CD4: variants seen among roughly 807,000 people sequenced by gnomAD.
CD4 encodes T-cell surface glycoprotein CD4.
CD4 carries 25 observed loss-of-function variants against 50.5 expected under a neutral mutation model. The observed-to-expected ratio is 0.49, with a 90% CI of 0.36 to 0.69. CD4 has a LOEUF of 0.69. CD4 is among the 30% of genes least tolerant of loss of function. The pLI is 0.00. For missense variants in CD4, 456 were observed against 548.5 expected (o/e 0.83, Z 1.68); for synonymous variants, 207 against 221.9 (o/e 0.93, Z 0.60).
intron 3 of CD4, among the ~76,000 whole-genome samples, chr12:6,805,682 T>C (rs552005879): frequency 6.6e-6 from 1 of 152,176 alleles, no homozygotes; most frequent in South Asian, 2.1e-4. Flanking sequence ...CATGGATTGA[T>C]GGATTGGAAG....
intron 3 of CD4, among the ~76,000 whole-genome samples, chr12:6,812,890 G>T (rs1942979685): frequency 7.1e-4 from 1 of 1,408 alleles, no homozygotes; most frequent in Non-Finnish European, 0.018. Context: ...AGTCTCAAGC[G>T]ATCTTGTGCC....
chr12:6,796,530 G>A (rs1171826788), intron 1 of CD4, among the ~76,000 whole-genome samples: 1 of 152,136 alleles, frequency 6.6e-6, no homozygotes, highest in Non-Finnish European at 1.5e-5. Flanking sequence ...GCCTTCCTTT[G>A]AGGTGCTATC....
At chr12:6,793,997 T>TCTAG in intron 1 of CD4, among the ~76,000 whole-genome samples, 1 of 151,456 alleles carries the variant, frequency 6.6e-6, no homozygotes, top group Admixed American at 6.6e-5. Flanking sequence ...TATCTATCTA[T>TCTAG]CTATCTATCA....
In CD4 at chr12:6,819,314, A is replaced by G. The variant is rs782406603; in HGVS notation, c.1362A>G (p.Thr454=). 1.2e-6 allele frequency: 2 copies of G among 1,614,032 alleles called. No individual in the cohort carries two copies. The highest frequency in any genetic ancestry group is 1.7e-6 in the Non-Finnish European group (2 of 1,180,006). The change falls in exon 10 of 10, where the codon ACA becomes ACG. Residue 454 remains threonine (T), a synonymous_variant. Coordinates refer to ENST00000011653, the MANE Select transcript of CD4 (RefSeq NM_000616.5). ...GTTCCTGCAGCCGGTTTCAGAAGAC[A>G]TGTAGCCCCATTTGAGGCACGAGGC... ...TCQCPHRFQK[T]CSPI
chr12:6,818,666 G>A lies in CD4; in HGVS notation c.1278+124G>A. On this transcript the variant is annotated intron_variant, in intron 8 of 9. Coordinates refer to ENST00000011653, the MANE Select transcript of CD4 (RefSeq NM_000616.5). This position sits in a 1 kb window ranked among gnomAD's most constrained non-coding sequence, Gnocchi z 5.0. ...CTGCCCACTCGTAAGTTCCCTTGCT[G>A]CCCTGTCCCAGATCCCACTCAAGGG... The A allele has an allele frequency of 7.6e-7, 1 of 1,308,536 alleles. No homozygotes were observed. Among genetic ancestry groups the A allele is most frequent in the Non-Finnish European group, 1.1e-6 (1 of 921,240 alleles). The allele number at this position is 1,308,536 out of a possible 1,614,324, so 81.1% of individuals were successfully genotyped here.
chr12:6,805,560 CCCGAAAA>C (rs1942722330), intron 3 of CD4, among the ~76,000 whole-genome samples: 1 of 38,168 alleles, frequency 2.6e-5, no homozygotes, highest in Admixed American at 3.2e-4. Context: ...GAGTCTGTCT[CCCGAAAA>C]AAAAAAAAAG....
intron 5 of CD4, 65 bp downstream of exon 5, chr12:6,815,057 C>T: frequency 6.4e-6 from 7 of 1,085,662 alleles, no homozygotes; most frequent in Non-Finnish European, 9.6e-6. Context: ...CCTCCCTCTG[C>T]TCTGACTGCC....
chr12:6,804,567 A>G (rs1414198154), intron 3 of CD4, among the ~76,000 whole-genome samples: 1 of 152,156 alleles, frequency 6.6e-6, no homozygotes, highest in East Asian at 1.9e-4. Flanking sequence ...TAAAACTACA[A>G]TACCATTTAT....
rs782616799 is a variant in CD4, at chr12:6,817,221, A to C, written c.1047A>C (p.Ala349=). 1 of 1,613,748 alleles carries C rather than the reference A, an allele frequency of 6.2e-7. No homozygotes were observed. The highest frequency in any genetic ancestry group is 2.2e-5 in the East Asian group (1 of 44,882). ...GTTTGAAACTGGAGAACAAGGAGGC[A>C]AAGGTCTCGAAGCGGGAGAAGGCGG... The part of the protein sequence containing the change: ...MLSLKLENKE[A]KVSKREKAVW... The change falls in exon 7 of 10, where the codon GCA becomes GCC. Residue 349 remains alanine, a synonymous_variant. Transcript: ENST00000011653.
intron 3 of CD4, among the ~76,000 whole-genome samples, chr12:6,801,751 A>G (rs1389445746): frequency 4.1e-5 from 6 of 148,138 alleles, no homozygotes; most frequent in East Asian, 2.1e-4. Flanking sequence ...TAGTAGAGAC[A>G]GAGTTTCACG....
intron 3 of CD4, among the ~76,000 whole-genome samples, chr12:6,804,151 TA>T (rs1180102253): frequency 2.6e-5 from 3 of 115,540 alleles, no homozygotes; most frequent in African/African-American, 9.1e-5. Flanking sequence ...AATAAATAAA[TA>T]AAATAAAAAG....
At chr12:6,817,790 ACT>A (rs1482988580) in intron 7 of CD4, among the ~76,000 whole-genome samples, 5 of 143,008 alleles carry the variant, frequency 3.5e-5, no homozygotes, top group African/African-American at 5.3e-5. Flanking sequence ...TCACACCCAC[ACT>A]CTCACCCCAT....
At chr12:6,815,777 G>A in intron 5 of CD4, 3 of 1,427,118 alleles carry the variant, frequency 2.1e-6, no homozygotes, top group Non-Finnish European at 2.8e-6. Flanking sequence ...GGCTTCTGTG[G>A]TCCAGGAATC....
Position 6,816,072 on chromosome 12 carries a change from C to CA in CD4, c.625dup (p.Ser209LysfsTer5). On this transcript the variant is annotated frameshift_variant, in exon 6 of 10. Transcript: ENST00000011653. LOFTEE classifies it high-confidence loss of function. This position sits in a 1 kb window ranked among gnomAD's most constrained non-coding sequence, Gnocchi z 4.9. ...CACCTCCAGCTTTCCAGAAGGCCTC[C>CA]AGCATAGTCTATAAGAAAGAGGGGG... is the stretch of plus-strand genomic sequence containing the variant. 1 of 1,614,084 alleles carries CA rather than the reference C, an allele frequency of 6.2e-7. No individual in the cohort carries two copies. The highest frequency in any genetic ancestry group is 8.5e-7 in the Non-Finnish European group (1 of 1,180,024).
intron 3 of CD4, among the ~76,000 whole-genome samples, chr12:6,805,002 T>C (rs1555115926): frequency 1.6e-5 from 2 of 128,000 alleles, no homozygotes; most frequent in African/African-American, 6.4e-5. Flanking sequence ...GGTGACACAG[T>C]GAGACTACGT....
Position 6,814,890 on chromosome 12 carries a change from C to T in CD4, c.505C>T (p.Leu169Phe). The T allele has an allele frequency of 6.2e-7, 1 of 1,613,584 alleles. No homozygotes were observed. The highest frequency in any genetic ancestry group is 8.5e-7 in the Non-Finnish European group (1 of 1,179,704). The change falls in exon 5 of 10, where the codon CTC (leucine) becomes TTC (phenylalanine). Residue 169 changes from leucine (L) to phenylalanine (F), a missense_variant. Transcript: ENST00000011653. ...RGKNIQGGKT[L>F]SVSQLELQDS... ...TAAAAACATACAGGGGGGGAAGACC[C>T]TCTCCGTGTCTCAGCTGGAGCTCCA...
intron 1 of CD4, among the ~76,000 whole-genome samples, chr12:6,794,019 A>ATCACCTATCT (rs1418532986): frequency 7.6e-6 from 1 of 132,154 alleles, no homozygotes. Flanking sequence ...CTATCTATCT[A>ATCACCTATCT]ATCTATCTAT....
chr12:6,810,197 A>G (rs1472803936), intron 3 of CD4, among the ~76,000 whole-genome samples: 1 of 151,996 alleles, frequency 6.6e-6, no homozygotes, highest in African/African-American at 2.4e-5. Flanking sequence ...CCACAGGCCC[A>G]TACCTCTTTT....
At position 6,816,980 on chromosome 12, in the gene CD4, A is replaced by C; in HGVS notation, c.956-150A>C. The C allele has an allele frequency of 1.6e-6, 1 of 637,118 alleles. No homozygotes were observed. Among genetic ancestry groups the C allele is most frequent in the South Asian group, 2.0e-5 (1 of 50,906 alleles). 39.5% of individuals were successfully genotyped at this position (637,118 alleles called of 1,614,324 possible). On this transcript the variant is annotated intron_variant, in intron 6 of 9. Transcript: ENST00000011653. The surrounding 1 kb of genome is among the most constrained non-coding windows in gnomAD (Gnocchi z 4.9). Reference sequence around the variant, plus strand: ...GCAGTGGAGCTGGGATTCAAATCCAATACCACTGGACCCCAAACGCTGTTT... The same window carrying C: ...GCAGTGGAGCTGGGATTCAAATCCACTACCACTGGACCCCAAACGCTGTTT...
Sources: allele counts gnomAD v4.1 joint callset (sites outside exome capture counted in the v4.1 genomes callset), GRCh38; gene constraint gnomAD v4.1.1; non-coding constraint Gnocchi (gnomAD v3.1); transcripts MANE v1.5; gene names NCBI Gene and HGNC (gene_info 2026-07-23, HGNC 2026-07-21).